Variants in ESPN observed in about 807,000 individuals in gnomAD.
ESPN encodes the protein autosomal recessive deafness type 36 protein.
A neutral mutation model predicts 77.7 loss-of-function variants in ESPN; 68 were observed. The observed-to-expected ratio is 0.87, with a 90% confidence interval of 0.72 to 1.07. The LOEUF (loss-of-function observed/expected upper bound fraction) is 1.07. ESPN is among the 50% of genes least tolerant of loss of function. The pLI, the probability that ESPN is intolerant of heterozygous loss-of-function variation, is 0.00. For missense variants in ESPN, 1,060 were observed against 1,239.0 expected, an observed-to-expected ratio of 0.86 and a Z score of 2.17; for synonymous variants, 449 against 567.1, an observed-to-expected ratio of 0.79 and a Z score of 2.96.
Position 6,460,289 on chromosome 1 carries a change from C to T in ESPN, c.*143C>T. The stretch of plus-strand genomic sequence containing the variant: ...AAACCCTCCCTGACCCCCACCCTGG[C>T]CCCCCGTATCCCCAGCCCTTGGCAA... On this transcript the variant is annotated 3_prime_UTR_variant, in exon 13 of 13. Coordinates refer to ENST00000645284, the MANE Select transcript of ESPN (RefSeq NM_031475.3). 14 of 1,035,386 alleles carry T rather than the reference C, an allele frequency of 1.4e-5. No homozygotes were observed. Among genetic ancestry groups the T allele is most frequent in the Non-Finnish European group, 1.8e-5 (13 of 722,738 alleles). 64.1% of individuals were successfully genotyped at this position (1,035,386 alleles called of 1,614,324 possible).
chr1:6,446,670 G>T (rs1407942206), intron 7 of ESPN, among the ~76,000 whole-genome samples: 2 of 152,196 alleles, frequency 1.3e-5, no homozygotes, highest in African/African-American at 4.8e-5. Context: ...ATCCCGGGCA[G>T]GGTGCCCTGG....
chr1:6,454,719 C>G (rs1186813964), intron 10 of ESPN: 2 of 398,282 alleles, frequency 5.0e-6, no homozygotes, highest in Non-Finnish European at 8.9e-6. Flanking sequence ...CGCCAGCCTG[C>G]CCGCCTGGTG....
rs944742394 is a variant in ESPN, at chr1:6,460,806, C to T, written c.*660C>T. ...AGCCAGACCCACTCGCTGCCGGGAC[C>T]CTTTCACTGCCCCGGTGGAGTGAAT... On this transcript the variant is annotated 3_prime_UTR_variant, in exon 13 of 13. Coordinates refer to ENST00000645284, the MANE Select transcript of ESPN (RefSeq NM_031475.3). The T allele has an allele frequency of 4.7e-6, 1 of 210,940 alleles. No homozygotes were observed. Among genetic ancestry groups the T allele is most frequent in the Non-Finnish European group, 9.7e-6 (1 of 103,454 alleles). The allele number at this position is 210,940 out of a possible 1,614,324, so 13.1% of individuals were successfully genotyped here. A position where few individuals can be genotyped will look rare whatever the true frequency, so the allele number is the denominator to read the frequency against.
At position 6,440,979 on chromosome 1, in the gene ESPN, G is replaced by A. The variant is rs777620681; in HGVS notation, c.904G>A (p.Asp302Asn). 3 of 1,605,580 alleles carry A rather than the reference G, an allele frequency of 1.9e-6. No homozygotes were observed. Among genetic ancestry groups the A allele is most frequent in the Non-Finnish European group, 8.5e-7 (1 of 1,177,334 alleles). Residue 302 changes from aspartate to asparagine, a missense_variant, in exon 5 of 13, where the codon GAC becomes AAC. Asp to Asn is a conservative substitution (Grantham distance 23). Around this residue, in one of 3 missense-constraint regions of ESPN, gnomAD observed 556 missense variants for 633.6 expected, o/e 0.88. Transcript: ENST00000645284. ...GAACGGCGCGGAGCTGGACGTCCGC[G>A]ACCGCGACGGGTACACGGCCGCCGA... ...VVNGAELDVR[D>N]RDGYTAADLS...
In ESPN at chr1:6,427,247, T is replaced by C. The variant is rs1019102658; in HGVS notation, c.295-979T>C. 6.6e-6 allele frequency among the ~76,000 whole-genome samples: 1 copy of C among 152,084 alleles called. No homozygotes were observed. The highest frequency in any genetic ancestry group is 1.5e-5 in the Non-Finnish European group (1 of 68,010). ...ACCCAGAACCCTGCCCACCCCTCTG[T>C]CATCCTATGTGCTTGGTGCTGGGAG... On this transcript the variant is annotated intron_variant, in intron 1 of 12. Transcript: ENST00000645284. This position sits in a 1 kb window ranked among gnomAD's most constrained non-coding sequence, Gnocchi z 4.6.
intron 2 of ESPN, among the ~76,000 whole-genome samples, chr1:6,431,628 C>CAA (rs760363517): frequency 0.028 from 1,709 of 61,500 alleles, 61 homozygotes; most frequent in African/African-American, 0.05. Context: ...AAGATTCTGT[C>CAA]AAAAAAAAAA....
intron 3 of ESPN, 24 bp from the exon 4 acceptor site, chr1:6,440,602 C>CCCCAA: frequency 3.4e-5 from 43 of 1,256,420 alleles, no homozygotes; most frequent in Non-Finnish European, 4.7e-5. Flanking sequence ...CCCCCGCCCC[C>CCCCAA]CTCTCCCCGC....
chr1:6,460,832 A>G lies in ESPN; in HGVS notation c.*686A>G, dbSNP rs921873370. On this transcript the variant is annotated 3_prime_UTR_variant, in exon 13 of 13. Coordinates refer to ENST00000645284, the MANE Select transcript of ESPN (RefSeq NM_031475.3). The stretch of plus-strand genomic sequence containing the variant: ...CTTTCACTGCCCCGGTGGAGTGAAT[A>G]GAGGATGAGGGGCCCTGACCCTGTG... 1 of 249,300 alleles carries G rather than the reference A, an allele frequency of 4.0e-6. No homozygotes were observed. The highest frequency in any genetic ancestry group is 8.0e-6 in the Non-Finnish European group (1 of 125,592). The allele number at this position is 249,300 out of a possible 1,614,324, so 15.4% of individuals were successfully genotyped here. A position where few individuals can be genotyped will look rare whatever the true frequency, so the allele number is the denominator to read the frequency against.
In ESPN at chr1:6,451,999, A is replaced by C; in HGVS notation, c.2228A>C (p.His743Pro). The C allele has an allele frequency of 2.5e-6, 4 of 1,606,336 alleles. No individual in the cohort carries two copies. Among genetic ancestry groups the C allele is most frequent in the Non-Finnish European group, 3.4e-6 (4 of 1,176,340 alleles). The change falls in exon 10 of 13, where the codon CAC becomes CCC. Residue 743 changes from histidine to proline, a missense_variant. Transcript: ENST00000645284. The surrounding 1 kb of genome is among the most constrained non-coding windows in gnomAD (Gnocchi z 4.3). ...QLDVEALIPT[H>P]DEQGRPIPEW... ...GACGTGGAGGCTCTCATCCCCACGCACGATGAGCAGGGCCGGCCCATCCCC... is the reference window on the plus strand; with the variant it reads ...GACGTGGAGGCTCTCATCCCCACGCCCGATGAGCAGGGCCGGCCCATCCCC...
chr1:6,456,697 C>T (rs1461133582), intron 10 of ESPN: 1 of 242,260 alleles, frequency 4.1e-6, no homozygotes, highest in Non-Finnish European at 8.0e-6. Flanking sequence ...ACCACACCTG[C>T]CCCTGATGTC....
intron 10 of ESPN, among the ~76,000 whole-genome samples, chr1:6,453,174 G>A (rs1212368904): frequency 2.6e-5 from 4 of 152,226 alleles, no homozygotes; most frequent in Non-Finnish European, 2.9e-5. Context: ...GATTACAGGC[G>A]TGAGCCACCA....
rs1171018025 is a variant in ESPN at position 6,444,639 on chromosome 1, C to T, written c.1149C>T (p.Cys383=). The part of the protein sequence containing the change: ...PTSTLSNYDS[C]SSSHSSIKGQ... ...GCACCCTCTCCAACTACGACTCCTG[C>T]TCCTCCAGCCACTCCAGCATCAAGG... Residue 383 remains cysteine, a synonymous_variant, in exon 6 of 13, where the codon TGC becomes TGT. Transcript: ENST00000645284. 6.2e-7 allele frequency: 1 copy of T among 1,614,210 alleles called. No homozygotes were observed.
At chr1:6,433,132 A>G (rs1205740105) in intron 2 of ESPN, among the ~76,000 whole-genome samples, 14 of 147,842 alleles carry the variant, frequency 9.5e-5, no homozygotes, top group Non-Finnish European at 1.9e-4. Context: ...AAAAAAAAAG[A>G]AAAAAGAAAA....
Position 6,451,319 on chromosome 1 carries a change from C to T in ESPN, c.1916-284C>T. On this transcript the variant is annotated intron_variant, in intron 8 of 12. Transcript: ENST00000645284. This position sits in a 1 kb window ranked among gnomAD's most constrained non-coding sequence, Gnocchi z 4.3. Reference sequence around the variant, plus strand: ...TCAGTGGCTGGGCGGGGACATATGCCCAAGAGCCACCATGAACTCCCAGGG... The same window carrying T: ...TCAGTGGCTGGGCGGGGACATATGCTCAAGAGCCACCATGAACTCCCAGGG... 1.9e-6 allele frequency: 1 copy of T among 521,914 alleles called. No homozygotes were observed. Among genetic ancestry groups the T allele is most frequent in the South Asian group, 2.0e-5 (1 of 49,328 alleles). 32.3% of individuals were successfully genotyped at this position (521,914 alleles called of 1,614,324 possible).
intron 10 of ESPN, chr1:6,455,808 C>A: frequency 2.5e-6 from 1 of 398,962 alleles, no homozygotes; most frequent in Admixed American, 4.4e-5. Flanking sequence ...GGAGGCCGGC[C>A]GGCGCGGCTG....
chr1:6,455,965 A>T (rs2148546520), intron 10 of ESPN: 1 of 398,160 alleles, frequency 2.5e-6, no homozygotes, highest in African/African-American at 2.1e-5. Context: ...CAGACGGGGG[A>T]CCCGCCTGAG....
chr1:6,430,505 C>T (rs768288296), intron 2 of ESPN, among the ~76,000 whole-genome samples: 10 of 152,220 alleles, frequency 6.6e-5, no homozygotes, highest in African/African-American at 1.4e-4. Flanking sequence ...CCGTCTGTCC[C>T]GTTCATGGGG....
intron 5 of ESPN, 106 bp downstream of exon 5, chr1:6,441,171 C>T (rs765132175): frequency 1.3e-5 from 19 of 1,467,382 alleles, no homozygotes; most frequent in Non-Finnish European, 1.5e-5. Context: ...GGTTCAGGGA[C>T]GTGAAGCCCG....
rs531321988 is a variant in ESPN at position 6,451,592 on chromosome 1, C to T, written c.1916-11C>T. ...ACCCTGGCCAGTGCCTCATCTCCTGCCTCCGCATAGGCACCAAGTCTTTCA... is the reference window on the plus strand; with the variant it reads ...ACCCTGGCCAGTGCCTCATCTCCTGTCTCCGCATAGGCACCAAGTCTTTCA... On this transcript the variant is annotated splice_polypyrimidine_tract_variant and intron_variant, in intron 8 of 12. Coordinates refer to ENST00000645284, the MANE Select transcript of ESPN (RefSeq NM_031475.3). This position sits in a 1 kb window ranked among gnomAD's most constrained non-coding sequence, Gnocchi z 4.3. 3 of 1,611,680 alleles carry T rather than the reference C, an allele frequency of 1.9e-6. No individual in the cohort carries two copies. Among genetic ancestry groups the T allele is most frequent in the Non-Finnish European group, 1.7e-6 (2 of 1,179,388 alleles).
Sources: allele counts gnomAD v4.1 joint callset (sites outside exome capture counted in the v4.1 genomes callset), GRCh38; gene constraint gnomAD v4.1.1; regional missense constraint gnomAD v4.1.1; non-coding constraint Gnocchi (gnomAD v3.1); transcripts MANE v1.5; gene names NCBI Gene and HGNC (gene_info 2026-07-23, HGNC 2026-07-21).